Variants in KRT3 observed in about 807,000 individuals in gnomAD.
KRT3 encodes keratin, type II cytoskeletal 3.
In KRT3, 34 loss-of-function variants were observed where a neutral mutation model predicts 45.8. The observed-to-expected ratio is 0.74, with a 90% CI of 0.57 to 0.99. The LOEUF (loss-of-function observed/expected upper bound fraction) is 0.99. Among genes scored for constraint, KRT3 ranks in the 50% least tolerant of loss-of-function variants. KRT3 has a pLI of 0.00. For missense variants in KRT3, 828 were observed against 820.6 expected (o/e 1.01, Z -0.11); for synonymous variants, 367 against 329.0 (o/e 1.12, Z -1.25).
chr12:52,791,414 G>A lies in KRT3; in HGVS notation c.1327C>T (p.Gln443Ter), dbSNP rs148874235. The A allele has an allele frequency of 3.1e-6, 5 of 1,614,166 alleles. No homozygotes were observed. The highest frequency in any genetic ancestry group is 2.2e-5 in the East Asian group (1 of 44,888). ...EGVKKQNANL[Q>*]TAIAEAEQHG... ...TGCTCGGCCTCGGCAATGGCCGTCTGCAGGTTGGCATTCTGGGGCAAGGGA... is the reference window on the plus strand; with the variant it reads ...TGCTCGGCCTCGGCAATGGCCGTCTACAGGTTGGCATTCTGGGGCAAGGGA... The change falls in exon 7 of 9, where the codon CAG (glutamine) becomes TAG (stop). Residue 443 changes from glutamine to a stop codon, truncating the protein, a stop_gained. Coordinates refer to ENST00000417996, the MANE Select transcript of KRT3 (RefSeq NM_057088.3). LOFTEE classifies it high-confidence loss of function.
intron 1 of KRT3, 145 bp downstream of exon 1, chr12:52,795,253 C>G: frequency 9.9e-7 from 1 of 1,014,134 alleles, no homozygotes; most frequent in Admixed American, 2.3e-5. Context: ...CTCCTCAACC[C>G]TGGATATCTT....
chr12:52,789,794 A>G lies in KRT3; in HGVS notation c.*248T>C. The G allele has an allele frequency of 1.6e-6, 1 of 607,524 alleles. No individual in the cohort carries two copies. The highest frequency in any genetic ancestry group is 2.9e-6 in the Non-Finnish European group (1 of 342,950). 37.6% of individuals were successfully genotyped at this position (607,524 alleles called of 1,614,324 possible). On this transcript the variant is annotated 3_prime_UTR_variant, in exon 9 of 9. Coordinates refer to ENST00000417996, the MANE Select transcript of KRT3 (RefSeq NM_057088.3). The stretch of plus-strand genomic sequence containing the variant: ...CCACCCAGGGAGGGGACTCCGGGGC[A>G]GCAGAAGGTGGCGGCCTAGGCCACA...
chr12:52,792,922 T>C (rs1316508666), intron 3 of KRT3, 116 bp from the exon 4 acceptor site: 2 of 760,662 alleles, frequency 2.6e-6, no homozygotes, highest in Non-Finnish European at 4.5e-6. Context: ...CTAAGACCAG[T>C]CTCCACTTGA....
chr12:52,793,933 T>C (rs1183962387), intron 2 of KRT3, among the ~76,000 whole-genome samples, 178 bp downstream of exon 2: 2 of 152,198 alleles, frequency 1.3e-5, no homozygotes, highest in Non-Finnish European at 2.9e-5. Flanking sequence ...CAAAGCACCA[T>C]GCTTGGAGAA....
At chr12:52,790,978 G>T in intron 7 of KRT3, 106 bp from the exon 8 acceptor site, 2 of 1,315,214 alleles carry the variant, frequency 1.5e-6, no homozygotes, top group Non-Finnish European at 2.1e-6. Context: ...GAGAAGCCTG[G>T]CAAATCAGGT....
intron 3 of KRT3, 128 bp downstream of exon 3, chr12:52,793,035 C>T (rs1939561373): frequency 1.4e-6 from 1 of 739,652 alleles, no homozygotes; most frequent in Non-Finnish European, 2.3e-6. Context: ...CTAAGGTGCA[C>T]CTGACTTCTG....
In KRT3 at chr12:52,789,841, G is replaced by T; in HGVS notation, c.*201C>A. ...CACACCTGGACAATCACAGGCACAG[G>T]CTGGAGCCGGAGAGAAGAGCCTGAA... On this transcript the variant is annotated 3_prime_UTR_variant, in exon 9 of 9. Transcript: ENST00000417996. 1 of 664,110 alleles carries T rather than the reference G, an allele frequency of 1.5e-6. No homozygotes were observed. The highest frequency in any genetic ancestry group is 2.6e-6 in the Non-Finnish European group (1 of 381,518). The allele number at this position is 664,110 out of a possible 1,614,324, so 41.1% of individuals were successfully genotyped here. A position where few individuals can be genotyped will look rare whatever the true frequency, so the allele number is the denominator to read the frequency against.
chr12:52,794,394 A>C, intron 1 of KRT3, 63 bp from the exon 2 acceptor site: 1 of 1,263,908 alleles, frequency 7.9e-7, no homozygotes, highest in Non-Finnish European at 1.2e-6. Context: ...AGGGGCCTTC[A>C]CTCAGGTAGG....
In KRT3 at chr12:52,793,202, T is replaced by G; in HGVS notation, c.888A>C (p.Lys296Asn). 1 of 1,609,232 alleles carries G rather than the reference T, an allele frequency of 6.2e-7. No individual in the cohort carries two copies. Among genetic ancestry groups the G allele is most frequent in the Non-Finnish European group, 8.5e-7 (1 of 1,177,540 alleles). Reference sequence around the variant, plus strand: ...CAAATTCATTCTCAGCAGCTGTACGTTTATTGATTTCATCCTCATATCTGT... The same window carrying G: ...CAAATTCATTCTCAGCAGCTGTACGGTTATTGATTTCATCCTCATATCTGT... Reference protein sequence around the residue: ...FKKKYEDEINKRTAAENEFVT... With the variant: ...FKKKYEDEINNRTAAENEFVT... The change falls in exon 3 of 9, where the codon AAA becomes AAC. Residue 296 changes from lysine (K) to asparagine (N), a missense_variant. By Grantham distance (94) the Lys-to-Asn change is moderately conservative (BLOSUM62 0). Transcript: ENST00000417996.
chr12:52,794,205 G>A lies in KRT3; in HGVS notation c.772C>T (p.Leu258=). The change falls in exon 2 of 9, where the codon CTG becomes TTG. Residue 258 remains leucine (L), a synonymous_variant. Coordinates refer to ENST00000417996, the MANE Select transcript of KRT3 (RefSeq NM_057088.3). ...AGGATGTTGTCCAGGTAGCTCCGCA[G>A]GTAGTTGATGTGATTCTCAAAAAGA... ...EPLFENHINY[L]RSYLDNILGE... 6.2e-7 allele frequency: 1 copy of A among 1,614,202 alleles called. No homozygotes were observed. Among genetic ancestry groups the A allele is most frequent in the South Asian group, 1.1e-5 (1 of 91,088 alleles).
Position 52,789,839 on chromosome 12 carries a change from A to C in KRT3, c.*203T>G, listed in dbSNP as rs1466804067. ...GCCACACCTGGACAATCACAGGCAC[A>C]GGCTGGAGCCGGAGAGAAGAGCCTG... On this transcript the variant is annotated 3_prime_UTR_variant, in exon 9 of 9. Coordinates refer to ENST00000417996, the MANE Select transcript of KRT3 (RefSeq NM_057088.3). The C allele has an allele frequency of 3.0e-6, 2 of 656,478 alleles. No homozygotes were observed. The highest frequency in any genetic ancestry group is 5.3e-6 in the Non-Finnish European group (2 of 378,492). 40.7% of individuals were successfully genotyped at this position (656,478 alleles called of 1,614,324 possible). A position where few individuals can be genotyped will look rare whatever the true frequency, so the allele number is the denominator to read the frequency against.
At position 52,791,285 on chromosome 12, in the gene KRT3, GGTAGTCAC is replaced by G. The variant is rs762376853; in HGVS notation, c.1448_1455del (p.Arg483ProfsTer242). The G allele has an allele frequency of 1.9e-6, 3 of 1,614,222 alleles. No individual in the cohort carries two copies. The highest frequency in any genetic ancestry group is 2.5e-6 in the Non-Finnish European group (3 of 1,180,032). The stretch of plus-strand genomic sequence containing the variant: ...GCCAGCTTGACATTCATCAGCTCCT[GGTAGTCAC>G]GTAGCAGCCGCGCCAGGTCATCCTT... On this transcript the variant is annotated frameshift_variant, in exon 7 of 9. Coordinates refer to ENST00000417996, the MANE Select transcript of KRT3 (RefSeq NM_057088.3). LOFTEE classifies it high-confidence loss of function.
Position 52,791,217 on chromosome 12 carries a change from G to C in KRT3, c.1524C>G (p.Gly508=). 3 of 1,614,198 alleles carry C rather than the reference G, an allele frequency of 1.9e-6. No individual in the cohort carries two copies. The highest frequency in any genetic ancestry group is 2.2e-5 in the East Asian group (1 of 44,884). Residue 508 remains glycine, a synonymous_variant, in exon 7 of 9, where the codon GGC becomes GGG. Transcript: ENST00000417996. The stretch of plus-strand genomic sequence containing the variant: ...GACTGGAGGCTCACCTGTACTCCTC[G>C]CCCTCCAGCAGCTTGCGGTAGGTGG... ...EIATYRKLLE[G]EEYRMSGECP... is the part of the protein sequence containing the mutation.
At position 52,795,939 on chromosome 12, in the gene KRT3, G is replaced by T. The variant is rs1389289222; in HGVS notation, c.104C>A (p.Ser35Tyr). The T allele has an allele frequency of 1.9e-6, 3 of 1,614,130 alleles. No individual in the cohort carries two copies. In the South Asian group the frequency reaches 3.3e-5, roughly 18 times the overall value. Residue 35 changes from serine to tyrosine, a missense_variant, in exon 1 of 9, where the codon TCT becomes TAT. Physicochemically the swap from Ser to Tyr is moderately radical, Grantham distance 144. Coordinates refer to ENST00000417996, the MANE Select transcript of KRT3 (RefSeq NM_057088.3). ...GSSRMSCVAH[S>Y]GGAGGGAYGF... ...ATAGGCCCCTCCGCCAGCTCCCCCA[G>T]AGTGGGCCACACAGCTCATCCTGCT...
In KRT3 at chr12:52,792,792, G is replaced by A; in HGVS notation, c.942C>T (p.Ala314=). 6.2e-7 allele frequency: 1 copy of A among 1,611,472 alleles called. No homozygotes were observed. Among genetic ancestry groups the A allele is most frequent in the Non-Finnish European group, 8.5e-7 (1 of 1,177,680 alleles). ...FVTLKKDVDS[A]YMNKVELQAK... is the part of the protein sequence containing the mutation. ...CCTGAAGCTCCACCTTGTTCATATAGGCACTGTCCACATCCTGAGAAAAGA... is the reference window on the plus strand; with the variant it reads ...CCTGAAGCTCCACCTTGTTCATATAAGCACTGTCCACATCCTGAGAAAAGA... Residue 314 remains alanine (A), a synonymous_variant, in exon 4 of 9, where the codon GCC becomes GCT. Coordinates refer to ENST00000417996, the MANE Select transcript of KRT3 (RefSeq NM_057088.3).
rs1447745251 is a variant in KRT3 at position 52,792,362 on chromosome 12, C to T, written c.1065G>A (p.Val355=). The change falls in exon 5 of 9, where the codon GTG becomes GTA. Residue 355 remains valine, a synonymous_variant. Transcript: ENST00000417996. ...AGCGATTATTGTCCATGGACAGCAC[C>T]ACAGATGTGTCACTGATGTGGCTCT... ...QMQSHISDTS[V]VLSMDNNRSL... The T allele has an allele frequency of 1.2e-6, 2 of 1,614,144 alleles. No homozygotes were observed. Among genetic ancestry groups the T allele is most frequent in the East Asian group, 2.2e-5 (1 of 44,884 alleles).
intron 3 of KRT3, 107 bp from the exon 4 acceptor site, chr12:52,792,913 TA>T: frequency 1.3e-6 from 1 of 787,058 alleles, no homozygotes; most frequent in Non-Finnish European, 2.2e-6. Flanking sequence ...GGTCCTTGTC[TA>T]AGACCAGTCT....
At chr12:52,795,162 C>G (rs1939608450) in intron 1 of KRT3, among the ~76,000 whole-genome samples, 1 of 152,202 alleles carries the variant, frequency 6.6e-6, no homozygotes, top group African/African-American at 2.4e-5. Flanking sequence ...GGGGTTCCCA[C>G]AAACAGGATG....
In KRT3 at chr12:52,792,815, A is replaced by T. The variant is rs368523623; in HGVS notation, c.928-9T>A. 4 of 1,585,792 alleles carry T rather than the reference A, an allele frequency of 2.5e-6. No individual in the cohort carries two copies. On this transcript the variant is annotated splice_polypyrimidine_tract_variant and intron_variant, in intron 3 of 8. Transcript: ENST00000417996. ...TAGGCACTGTCCACATCCTGAGAAA[A>T]GAGGAAGATAAAGGCCTTATTCTCC...
Sources: gnomAD v4.1 joint callset for allele counts (sites outside exome capture counted in the v4.1 genomes callset) on GRCh38, gnomAD v4.1.1 for gene constraint, MANE v1.5 for transcripts, NCBI Gene and HGNC (gene_info 2026-07-23, HGNC 2026-07-21) for gene names.